Variants in KCNQ1OT1 observed in about 807,000 individuals in gnomAD.
KCNQ1OT1 encodes KCNQ1 opposite strand/antisense transcript 1, also known as KCNQ1 antisense RNA 2 (non-protein coding).
rs377502524 is a variant in KCNQ1OT1 at position 2,669,053 on chromosome 11, G to A, written n.30942C>T. The A allele has an allele frequency of 8.3e-5, 33 of 398,658 alleles. No individual in the cohort carries two copies. Among genetic ancestry groups the A allele is most frequent in the African/African-American group, 4.7e-4 (23 of 48,744 alleles). 24.7% of individuals were successfully genotyped at this position (398,658 alleles called of 1,614,324 possible). On this transcript the variant is annotated non_coding_transcript_exon_variant, in exon 1 of 1. Transcript: ENST00000597346. The surrounding 1 kb of genome is among the most constrained non-coding windows in gnomAD (Gnocchi z 5.6). The stretch of plus-strand genomic sequence containing the variant: ...CTCAGCACCCGGCATGGGAAGGCCC[G>A]TCCTCTCCCAACTACCCTGCCGTAT...
Position 2,662,007 on chromosome 11 carries a change from G to A in KCNQ1OT1, n.37988C>T, listed in dbSNP as rs1849966096. On this transcript the variant is annotated non_coding_transcript_exon_variant, in exon 1 of 1. Coordinates refer to ENST00000597346, the Ensembl canonical transcript of KCNQ1OT1. The stretch of plus-strand genomic sequence containing the variant: ...TGGAAGTGAGCATGCCCCATTTCAT[G>A]AGAACCAACAGCTTCGCCGAGGACC... 2 of 1,614,216 alleles carry A rather than the reference G, an allele frequency of 1.2e-6. No homozygotes were observed. The highest frequency in any genetic ancestry group is 1.7e-6 in the Non-Finnish European group (2 of 1,180,036).
Position 2,657,221 on chromosome 11 carries a change from G to A in KCNQ1OT1, n.42774C>T, listed in dbSNP as rs1247399749. 22 of 398,448 alleles carry A rather than the reference G, an allele frequency of 5.5e-5. No homozygotes were observed. Among genetic ancestry groups the A allele is most frequent in the Non-Finnish European group, 9.3e-5 (21 of 226,068 alleles). The allele number at this position is 398,448 out of a possible 1,614,324, so 24.7% of individuals were successfully genotyped here. On this transcript the variant is annotated non_coding_transcript_exon_variant, in exon 1 of 1. Transcript: ENST00000597346. The surrounding 1 kb of genome is among the most constrained non-coding windows in gnomAD (Gnocchi z 4.8). ...TCTTGGCTTTTTGCACTTCCAAGTCGCAGTTAGAATCAGCTTGCCAAAGTT... is the reference window on the plus strand; with the variant it reads ...TCTTGGCTTTTTGCACTTCCAAGTCACAGTTAGAATCAGCTTGCCAAAGTT...
chr11:2,640,407 C>T (rs1200479555), exon 1 of KCNQ1OT1: 1 of 398,446 alleles, frequency 2.5e-6, no homozygotes, highest in Non-Finnish European at 4.4e-6. Flanking sequence ...ATCCTTGACC[C>T]CTCAAGTAGC....
In KCNQ1OT1 at chr11:2,652,144, AGCCCGC is replaced by A. The variant is rs1849766902; in HGVS notation, n.47845_47850del. The A allele has an allele frequency of 5.0e-6, 2 of 398,632 alleles. No individual in the cohort carries two copies. The highest frequency in any genetic ancestry group is 7.1e-5 in the East Asian group (2 of 28,052). The allele number at this position is 398,632 out of a possible 1,614,324, so 24.7% of individuals were successfully genotyped here. ...CCTGGGAAGGGACCTGTGTTTCTCA[AGCCCGC>A]GCCCTCGGGGCCTGGGGGTGGGGCC... is the stretch of plus-strand genomic sequence containing the variant. On this transcript the variant is annotated non_coding_transcript_exon_variant, in exon 1 of 1. Transcript: ENST00000597346. The surrounding 1 kb of genome is among the most constrained non-coding windows in gnomAD (Gnocchi z 5.9).
rs201996512 is a variant in KCNQ1OT1, at chr11:2,679,453, AATAAT to A, written n.20537_20541del. On this transcript the variant is annotated non_coding_transcript_exon_variant, in exon 1 of 1. Coordinates refer to ENST00000597346, the Ensembl canonical transcript of KCNQ1OT1. The surrounding 1 kb of genome is among the most constrained non-coding windows in gnomAD (Gnocchi z 4.8). ...GGTTGTTAGGAGGATTACACAAATT[AATAAT>A]ATAAAGTATGCAGAAAAGTGCCTGT... is the stretch of plus-strand genomic sequence containing the variant. 3 of 398,638 alleles carry A rather than the reference AATAAT, an allele frequency of 7.5e-6. No individual in the cohort carries two copies. The East Asian group carries it at 1.1e-4, about 14-fold the overall frequency. 24.7% of individuals were successfully genotyped at this position (398,638 alleles called of 1,614,324 possible). A position where few individuals can be genotyped will look rare whatever the true frequency, so the allele number is the denominator to read the frequency against.
chr11:2,675,287 C>G (rs1850273661), exon 1 of KCNQ1OT1: 1 of 398,388 alleles, frequency 2.5e-6, no homozygotes, highest in South Asian at 1.3e-4. Context: ...CTCCCAAAAG[C>G]AGAGTTTTGG....
At chr11:2,665,025 T>TG (rs562688498) in exon 1 of KCNQ1OT1, 4 of 397,310 alleles carry the variant, frequency 1.0e-5, no homozygotes, top group African/African-American at 6.2e-5. Context: ...AGAGGTGGGG[T>TG]GGGGGGTGAG....
Position 2,657,491 on chromosome 11 carries a change from A to T in KCNQ1OT1, n.42504T>A, listed in dbSNP as rs1849870707. Reference sequence around the variant, plus strand: ...GTTCTGTTTTCTCTTGTTACCTCACATTTTTTATTTACAGAAGAGAAACAA... The same window carrying T: ...GTTCTGTTTTCTCTTGTTACCTCACTTTTTTTATTTACAGAAGAGAAACAA... On this transcript the variant is annotated non_coding_transcript_exon_variant, in exon 1 of 1. Coordinates refer to ENST00000597346, the Ensembl canonical transcript of KCNQ1OT1. The surrounding 1 kb of genome is among the most constrained non-coding windows in gnomAD (Gnocchi z 4.8). The T allele has an allele frequency of 2.5e-6, 1 of 398,478 alleles. No individual in the cohort carries two copies. Among genetic ancestry groups the T allele is most frequent in the South Asian group, 1.3e-4 (1 of 7,854 alleles). The allele number at this position is 398,478 out of a possible 1,614,324, so 24.7% of individuals were successfully genotyped here.
In KCNQ1OT1 at chr11:2,611,312, C is replaced by T. The variant is rs1480425457; in HGVS notation, n.88683G>A. 1.5e-5 allele frequency: 6 copies of T among 397,082 alleles called. No homozygotes were observed. Among genetic ancestry groups the T allele is most frequent in the African/African-American group, 4.1e-5 (2 of 48,544 alleles). The allele number at this position is 397,082 out of a possible 1,614,324, so 24.6% of individuals were successfully genotyped here. ...TTGGCTCACTGCAACCTCTGCCTCCCGGATTCAAGCCGTTCTCTTGCCTCA... is the reference window on the plus strand; with the variant it reads ...TTGGCTCACTGCAACCTCTGCCTCCTGGATTCAAGCCGTTCTCTTGCCTCA... On this transcript the variant is annotated non_coding_transcript_exon_variant, in exon 1 of 1. Transcript: ENST00000597346. The surrounding 1 kb of genome is among the most constrained non-coding windows in gnomAD (Gnocchi z 5.3).
exon 1 of KCNQ1OT1, chr11:2,667,356 G>C: frequency 2.5e-6 from 1 of 398,764 alleles, no homozygotes; most frequent in Non-Finnish European, 4.4e-6. Context: ...CTCTGCAAGG[G>C]AAAGGCCATC....
At position 2,613,976 on chromosome 11, in the gene KCNQ1OT1, AT is replaced by A; in HGVS notation, n.86018del. The A allele has an allele frequency of 2.5e-6, 1 of 398,624 alleles. No homozygotes were observed. Among genetic ancestry groups the A allele is most frequent in the Non-Finnish European group, 4.4e-6 (1 of 226,066 alleles). 24.7% of individuals were successfully genotyped at this position (398,624 alleles called of 1,614,324 possible). ...CAACATCTCCTAGAAATCACTCAACATCCATTCACAGAGATCTTTCTCATTG... is the reference window on the plus strand; with the variant it reads ...CAACATCTCCTAGAAATCACTCAACACCATTCACAGAGATCTTTCTCATTG... On this transcript the variant is annotated non_coding_transcript_exon_variant, in exon 1 of 1. Transcript: ENST00000597346. The surrounding 1 kb of genome is among the most constrained non-coding windows in gnomAD (Gnocchi z 4.8).
exon 1 of KCNQ1OT1, chr11:2,643,383 C>G (rs1219317066): frequency 2.5e-6 from 1 of 398,166 alleles, no homozygotes; most frequent in Non-Finnish European, 4.4e-6. Flanking sequence ...TCCTCTTGGT[C>G]AATTGATCCC....
exon 1 of KCNQ1OT1, chr11:2,666,530 A>G (rs1257256775): frequency 7.5e-6 from 3 of 398,518 alleles, no homozygotes; most frequent in Non-Finnish European, 1.3e-5. Flanking sequence ...GCTTTCATCC[A>G]CATCACTACT....
Position 2,626,826 on chromosome 11 carries a change from C to A in KCNQ1OT1, n.73169G>T, listed in dbSNP as rs1849269749. On this transcript the variant is annotated non_coding_transcript_exon_variant, in exon 1 of 1. Coordinates refer to ENST00000597346, the Ensembl canonical transcript of KCNQ1OT1. This position sits in a 1 kb window ranked among gnomAD's most constrained non-coding sequence, Gnocchi z 4.0. ...TACAGGTGTAGGCCATTGTACCTGG[C>A]CTGTAGTAAGTTTTCAAATCAGAAA... is the stretch of plus-strand genomic sequence containing the variant. 1.5e-5 allele frequency: 6 copies of A among 398,448 alleles called. No individual in the cohort carries two copies. The highest frequency in any genetic ancestry group is 2.7e-5 in the Non-Finnish European group (6 of 226,074). 24.7% of individuals were successfully genotyped at this position (398,448 alleles called of 1,614,324 possible).
exon 1 of KCNQ1OT1, chr11:2,646,475 C>T: frequency 2.5e-6 from 1 of 398,514 alleles, no homozygotes; most frequent in Admixed American, 4.4e-5. Context: ...TTGCTTTCTT[C>T]ATTTCTCTTT....
exon 1 of KCNQ1OT1, chr11:2,699,650 G>GCCGAAGAACCCCCGGGGACAACCGCC (rs1850751624): frequency 2.8e-6 from 1 of 358,564 alleles, no homozygotes; most frequent in Non-Finnish European, 5.0e-6. Flanking sequence ...GGACAACCGC[G>GCCGAAGAACCCCCGGGGACAACCGCC]CCGAAGAACC....
In KCNQ1OT1 at chr11:2,640,233, G is replaced by A. The variant is rs114086846; in HGVS notation, n.59762C>T. ...ACTGTCCTGTACCCACTGTCTTGAC[G>A]AGCCCCAGTGAGATGAACCCACTAC... On this transcript the variant is annotated non_coding_transcript_exon_variant, in exon 1 of 1. Coordinates refer to ENST00000597346, the Ensembl canonical transcript of KCNQ1OT1. The A allele has an allele frequency of 1.8e-3, 695 of 395,630 alleles. 8 individuals are homozygous for A. Among genetic ancestry groups the A allele is most frequent in the African/African-American group, 0.013 (637 of 48,696 alleles). 24.5% of individuals were successfully genotyped at this position (395,630 alleles called of 1,614,324 possible).
chr11:2,610,940 T>C (rs1326118323), exon 1 of KCNQ1OT1: 1 of 398,270 alleles, frequency 2.5e-6, no homozygotes, highest in Non-Finnish European at 4.4e-6. Context: ...CTCTGAATAA[T>C]TGATAGAACA....
Position 2,698,839 on chromosome 11 carries a change from C to A in KCNQ1OT1, n.1156G>T. The stretch of plus-strand genomic sequence containing the variant: ...CCTAATGAGGCCCTACCTAAAACCA[C>A]CATGCGGACTCCAGACCCGGACTGA... On this transcript the variant is annotated non_coding_transcript_exon_variant, in exon 1 of 1. Transcript: ENST00000597346. This position sits in a 1 kb window ranked among gnomAD's most constrained non-coding sequence, Gnocchi z 5.1. The A allele has an allele frequency of 2.5e-6, 1 of 398,796 alleles. No homozygotes were observed. The highest frequency in any genetic ancestry group is 2.1e-5 in the African/African-American group (1 of 48,726). The allele number at this position is 398,796 out of a possible 1,614,324, so 24.7% of individuals were successfully genotyped here.
Sources: allele counts gnomAD v4.1 joint callset, GRCh38; gene constraint gnomAD v4.1.1; non-coding constraint Gnocchi (gnomAD v3.1); transcripts MANE v1.5; gene names NCBI Gene and HGNC (gene_info 2026-07-23, HGNC 2026-07-21).